Variants in GRID2 observed in about 807,000 individuals in gnomAD.
The protein encoded by GRID2 is glutamate ionotropic receptor delta type subunit 2, also known as glutamate receptor ionotropic, delta-2.
In GRID2, 33 loss-of-function variants were observed where a neutral mutation model predicts 114.8. The ratio of observed to expected loss-of-function variants is 0.29; its 90% confidence interval spans 0.22 to 0.38. The LOEUF is 0.38. GRID2 is among the 10% of genes least tolerant of loss of function. The pLI is 1.00. For synonymous variants in GRID2, 505 were observed against 449.9 expected, an observed-to-expected ratio of 1.12 and a Z score of -1.55; for missense variants, 1,184 against 1,257.7, an observed-to-expected ratio of 0.94 and a Z score of 0.89.
chr4:92,830,517 T>C (rs1742032428), intron 2 of GRID2, among the ~76,000 whole-genome samples: 1 of 152,142 alleles, frequency 6.6e-6, no homozygotes, highest in Non-Finnish European at 1.5e-5. Context: ...TGAATAATTT[T>C]CCTTATTTAA....
intron 2 of GRID2, among the ~76,000 whole-genome samples, chr4:93,006,155 A>C (rs1200438333): frequency 6.6e-6 from 1 of 152,106 alleles, no homozygotes; most frequent in Non-Finnish European, 1.5e-5. Flanking sequence ...TATAAGCAGC[A>C]TAACTACCCA....
intron 13 of GRID2, among the ~76,000 whole-genome samples, chr4:93,614,856 T>G (rs959981800): frequency 3.3e-5 from 5 of 152,230 alleles, no homozygotes; most frequent in African/African-American, 9.6e-5. Context: ...ATTAACTGTA[T>G]TAAATAACAA....
intron 1 of GRID2, among the ~76,000 whole-genome samples, chr4:92,489,091 A>C (rs1723029754): frequency 6.6e-6 from 1 of 152,228 alleles, no homozygotes; most frequent in South Asian, 2.1e-4. Flanking sequence ...ATTACTACCC[A>C]CAAAAATACT....
intron 2 of GRID2, among the ~76,000 whole-genome samples, chr4:92,947,275 G>C (rs529334218): frequency 6.6e-6 from 1 of 151,948 alleles, no homozygotes; most frequent in Non-Finnish European, 1.5e-5. Flanking sequence ...GTCAGCATGC[G>C]TGTGTATTGT....
intron 8 of GRID2, among the ~76,000 whole-genome samples, chr4:93,347,960 G>A (rs1226926665): frequency 3.3e-5 from 5 of 152,000 alleles, no homozygotes; most frequent in African/African-American, 4.8e-5. Context: ...GGTCAGTGAC[G>A]TTTTTGGGGA....
chr4:92,962,328 A>G lies in GRID2; in HGVS notation c.245-122667A>G, dbSNP rs747828062. On this transcript the variant is annotated intron_variant, in intron 2 of 15. Transcript: ENST00000282020. Reference sequence around the variant, plus strand: ...GTGGTAAGGTGTGGTCCTTAATCATAGGTCTGGTCCTATGATTGAGACTCG... The same window carrying G: ...GTGGTAAGGTGTGGTCCTTAATCATGGGTCTGGTCCTATGATTGAGACTCG... Among the ~76,000 whole-genome samples the G allele has an allele frequency of 4.6e-5, 7 of 151,996 alleles. No homozygotes were observed. The East Asian group carries it at 1.4e-3, about 30-fold the overall frequency.
chr4:93,111,527 G>A (rs1732760043), intron 4 of GRID2, among the ~76,000 whole-genome samples: 1 of 152,050 alleles, frequency 6.6e-6, no homozygotes, highest in Non-Finnish European at 1.5e-5. Context: ...TAGAAGCTCT[G>A]AAACTTAGTA....
intron 8 of GRID2, among the ~76,000 whole-genome samples, chr4:93,290,459 A>G (rs1753620278): frequency 6.6e-6 from 1 of 152,130 alleles, no homozygotes; most frequent in Non-Finnish European, 1.5e-5. Flanking sequence ...CTATGTTTAT[A>G]TTTCATCTTT....
intron 3 of GRID2, among the ~76,000 whole-genome samples, chr4:93,095,387 A>G (rs943272134): frequency 1.2e-4 from 18 of 152,022 alleles, no homozygotes; most frequent in African/African-American, 4.3e-4. Context: ...ACAGAAAACA[A>G]AATTTGCCAG....
intron 10 of GRID2, among the ~76,000 whole-genome samples, chr4:93,452,351 G>T (rs1042575276): frequency 6.6e-6 from 1 of 152,066 alleles, no homozygotes; most frequent in African/African-American, 2.4e-5. Flanking sequence ...ACAATATGGG[G>T]AAAAAGAGTT....
In GRID2 at chr4:92,317,656, A is replaced by G. The variant is rs555817025; in HGVS notation, c.88+12912A>G. On this transcript the variant is annotated intron_variant, in intron 1 of 15. Transcript: ENST00000282020. ...CTATAAACCAGAAAATCAGTCCCTGACTGCTCGTATGCACAGGCTTGCTGA... is the reference window on the plus strand; with the variant it reads ...CTATAAACCAGAAAATCAGTCCCTGGCTGCTCGTATGCACAGGCTTGCTGA... Among the ~76,000 whole-genome samples, 13 of 152,352 alleles carry G rather than the reference A, an allele frequency of 8.5e-5. No homozygotes were observed. In the East Asian group the frequency reaches 2.5e-3, roughly 29 times the overall value.
At chr4:93,319,585 T>C (rs1379306506) in intron 8 of GRID2, 1 of 152,032 alleles carries the variant, frequency 6.6e-6, no homozygotes, top group African/African-American at 2.4e-5. Context: ...ATCACACAGG[T>C]GGGCTTGACC....
intron 2 of GRID2, among the ~76,000 whole-genome samples, chr4:92,865,376 G>A (rs998410617): frequency 2.0e-5 from 3 of 152,146 alleles, no homozygotes; most frequent in African/African-American, 7.2e-5. Flanking sequence ...TTTACTATTT[G>A]TGATCTATTA....
intron 2 of GRID2, among the ~76,000 whole-genome samples, chr4:92,958,509 G>A (rs145900883): frequency 1.3e-4 from 20 of 152,074 alleles, no homozygotes; most frequent in Middle Eastern, 6.8e-3. Flanking sequence ...TTGTATATCC[G>A]GGATAAATCC....
chr4:92,606,649 G>C (rs1248891738), intron 2 of GRID2, among the ~76,000 whole-genome samples: 1 of 151,726 alleles, frequency 6.6e-6, no homozygotes, highest in Non-Finnish European at 1.5e-5. Context: ...ACTGCTACTA[G>C]CTCTGGGTTT....
At chr4:92,454,785 G>T (rs1721121033) in intron 1 of GRID2, among the ~76,000 whole-genome samples, 1 of 152,150 alleles carries the variant, frequency 6.6e-6, no homozygotes, top group African/African-American at 2.4e-5. Flanking sequence ...GCATTGAGCC[G>T]AGATCGCACC....
intron 2 of GRID2, among the ~76,000 whole-genome samples, chr4:92,850,284 G>GT (rs1743677080): frequency 6.6e-6 from 1 of 151,428 alleles, no homozygotes; most frequent in Non-Finnish European, 1.5e-5. Flanking sequence ...AATTCATATT[G>GT]TATGTTATAA....
intron 2 of GRID2, among the ~76,000 whole-genome samples, chr4:92,628,097 T>C (rs1253110836): frequency 6.6e-6 from 1 of 152,184 alleles, no homozygotes; most frequent in Non-Finnish European, 1.5e-5. Context: ...GTCCTTAATA[T>C]AATTGAGAGT....
intron 2 of GRID2, among the ~76,000 whole-genome samples, chr4:92,874,943 T>C (rs1745513509): frequency 6.6e-6 from 1 of 152,152 alleles, no homozygotes; most frequent in Admixed American, 6.5e-5. Flanking sequence ...GTGTTTACAA[T>C]CATTCACATA....
Sources: allele counts gnomAD v4.1 joint callset (sites outside exome capture counted in the v4.1 genomes callset), GRCh38; gene constraint gnomAD v4.1.1; transcripts MANE v1.5; gene names NCBI Gene and HGNC (gene_info 2026-07-23, HGNC 2026-07-21).